DPH6: variants seen among roughly 807,000 people sequenced by gnomAD.
DPH6 encodes the protein diphthine--ammonia ligase.
Under a neutral mutation model 38.2 loss-of-function variants are expected in DPH6, and 33 were observed. The observed-to-expected ratio is 0.86, with a 90% confidence interval of 0.65 to 1.15. The LOEUF (loss-of-function observed/expected upper bound fraction) is 1.15. Ranked by LOEUF, DPH6 falls within the 50% of genes most tolerant of loss-of-function variation. The pLI, the probability that DPH6 is intolerant of heterozygous loss-of-function variation, is 0.00. For missense variants in DPH6, 325 were observed against 320.0 expected (o/e 1.02, Z -0.12); for synonymous variants, 108 against 103.0 (o/e 1.05, Z -0.30).
At chr15:35,231,182 C>T (rs1371790561) in intron 3 of DPH6, among the ~76,000 whole-genome samples, 1 of 152,310 alleles carries the variant, frequency 6.6e-6, no homozygotes, top group African/African-American at 2.4e-5. Context: ...AATTGGAGTT[C>T]CCATCAGTGG....
At chr15:35,470,357 AG>A (rs2054182713) in intron 3 of DPH6, among the ~76,000 whole-genome samples, 1 of 152,174 alleles carries the variant, frequency 6.6e-6, no homozygotes, top group African/African-American at 2.4e-5. Flanking sequence ...AAAGAGGTCG[AG>A]GAATGAAAAA....
At chr15:35,468,123 ACATT>A (rs1881654326) in intron 3 of DPH6, among the ~76,000 whole-genome samples, 1 of 152,242 alleles carries the variant, frequency 6.6e-6, no homozygotes, top group Non-Finnish European at 1.5e-5. Context: ...ATCTGCTTCA[ACATT>A]CAGTCACCCA....
At chr15:35,416,298 T>C (rs146015080) in intron 5 of DPH6, among the ~76,000 whole-genome samples, 2 of 152,180 alleles carry the variant, frequency 1.3e-5, no homozygotes, top group African/African-American at 4.8e-5. Flanking sequence ...ACATGAAAGA[T>C]GGTTTCAAAG....
At chr15:35,214,702 G>A (rs2051403341), downstream of DPH6, among the ~76,000 whole-genome samples, 1 of 152,158 alleles carries the variant, frequency 6.6e-6, no homozygotes, top group Non-Finnish European at 1.5e-5. Flanking sequence ...CCGCCTCACG[G>A]GTTCAAGTGA....
At chr15:35,339,189 T>A (rs531402659) in intron 3 of DPH6, among the ~76,000 whole-genome samples, 16 of 151,300 alleles carry the variant, frequency 1.1e-4, no homozygotes, top group East Asian at 5.8e-4. Context: ...TAATAAAAAA[T>A]ATATATATAA....
the DPH6 span, among the ~76,000 whole-genome samples, chr15:35,170,052 C>T: frequency 1.3e-5 from 2 of 152,306 alleles, no homozygotes; most frequent in Admixed American, 1.3e-4. Flanking sequence ...AGGGGCTTTG[C>T]ATGCAATTTA....
intron 4 of DPH6, among the ~76,000 whole-genome samples, chr15:35,451,151 G>A (rs1255008349): frequency 1.3e-5 from 2 of 151,904 alleles, no homozygotes; most frequent in Non-Finnish European, 2.9e-5. Context: ...TGTAAAGTGG[G>A]CCAATAATTT....
At chr15:35,290,498 T>C (rs1054197715) in intron 3 of DPH6, among the ~76,000 whole-genome samples, 2 of 152,168 alleles carry the variant, frequency 1.3e-5, no homozygotes, top group Non-Finnish European at 2.9e-5. Context: ...GAGACTTCAA[T>C]GGTTGAGGGC....
At chr15:35,253,173 T>C (rs1227478904) in intron 3 of DPH6, among the ~76,000 whole-genome samples, 1 of 152,258 alleles carries the variant, frequency 6.6e-6, no homozygotes, top group Non-Finnish European at 1.5e-5. Context: ...AAAATATTAA[T>C]TAAATATCTA....
intron 3 of DPH6, among the ~76,000 whole-genome samples, chr15:35,343,100 A>C (rs2052435139): frequency 6.6e-6 from 1 of 152,202 alleles, no homozygotes; most frequent in Non-Finnish European, 1.5e-5. Flanking sequence ...GTCACACTTA[A>C]AAATAATAAT....
At chr15:35,219,582 C>T (rs1019909188) in exon 4 of DPH6, 8 of 152,078 alleles carry the variant, frequency 5.3e-5, no homozygotes, top group Admixed American at 3.3e-4. Flanking sequence ...ACAGAGCAAA[C>T]GTTCTGTGTA....
chr15:35,250,902 C>T (rs1043061916), intron 3 of DPH6, among the ~76,000 whole-genome samples: 2 of 151,882 alleles, frequency 1.3e-5, no homozygotes, highest in Non-Finnish European at 2.9e-5. Context: ...ATGTATATTC[C>T]CATATACTTC....
At chr15:35,216,377 A>G (rs1282587331), downstream of DPH6, among the ~76,000 whole-genome samples, 1 of 152,200 alleles carries the variant, frequency 6.6e-6, no homozygotes, top group Non-Finnish European at 1.5e-5. Context: ...TGGTAGCTTA[A>G]TTATTCATGA....
intron 7 of DPH6, among the ~76,000 whole-genome samples, chr15:35,379,088 A>G (rs920612250): frequency 3.3e-5 from 5 of 152,052 alleles, no homozygotes; most frequent in Non-Finnish European, 5.9e-5. Flanking sequence ...AGCTTCCCAC[A>G]TTTCTTGGCT....
intron 3 of DPH6, among the ~76,000 whole-genome samples, chr15:35,462,818 A>C (rs552685327): frequency 6.6e-6 from 1 of 152,298 alleles, no homozygotes; most frequent in Non-Finnish European, 1.5e-5. Context: ...CAGCTCTAGA[A>C]AAGTACCTGG....
chr15:35,233,808 C>A (rs1177019879), intron 3 of DPH6, among the ~76,000 whole-genome samples: 1 of 152,228 alleles, frequency 6.6e-6, no homozygotes. Context: ...TTTATTCCTA[C>A]TTCTTGCAGT....
intron 5 of DPH6, among the ~76,000 whole-genome samples, chr15:35,443,227 T>C (rs1203747889): frequency 6.6e-6 from 1 of 152,176 alleles, no homozygotes; most frequent in Non-Finnish European, 1.5e-5. Flanking sequence ...TATTCTGAAA[T>C]TGTCTCATAT....
At chr15:35,434,774 T>C (rs2053675390) in intron 5 of DPH6, among the ~76,000 whole-genome samples, 1 of 152,112 alleles carries the variant, frequency 6.6e-6, no homozygotes, top group South Asian at 2.1e-4. Flanking sequence ...TTTGTTTGTT[T>C]GTTTTGTTTT....
At chr15:35,402,096 T>A (rs971253398) in intron 6 of DPH6, among the ~76,000 whole-genome samples, 1 of 152,206 alleles carries the variant, frequency 6.6e-6, no homozygotes, top group Admixed American at 6.5e-5. Flanking sequence ...GCTGAATAAA[T>A]GTGTCTTTTT....
Sources: gnomAD v4.1 joint callset for allele counts (sites outside exome capture counted in the v4.1 genomes callset) on GRCh38, gnomAD v4.1.1 for gene constraint, MANE v1.5 for transcripts, NCBI Gene and HGNC (gene_info 2026-07-23, HGNC 2026-07-21) for gene names.